PCDHA2: variants seen among roughly 807,000 people sequenced by gnomAD.
The protein encoded by PCDHA2 is protocadherin alpha-2.
Under a neutral mutation model 66.0 loss-of-function variants are expected in PCDHA2, and 58 were observed. The ratio of observed to expected loss-of-function variants is 0.88; its 90% CI spans 0.71 to 1.09. PCDHA2 has a LOEUF of 1.09. Ranked by LOEUF, PCDHA2 falls within the 50% of genes least tolerant of loss-of-function variation. PCDHA2 has a pLI of 0.00. For synonymous variants in PCDHA2, 634 were observed against 554.0 expected (o/e 1.14, Z -2.03); for missense variants, 1,267 against 1,242.3 (o/e 1.02, Z -0.30).
At chr5:140,850,495 T>A (rs2150486434) in intron 1 of PCDHA2, 3 of 1,597,906 alleles carry the variant, frequency 1.9e-6, no homozygotes, top group South Asian at 2.2e-5. Flanking sequence ...ACTGTGCTGG[T>A]GTCGCTGGTG....
chr5:140,822,242 C>G, intron 1 of PCDHA2: 1 of 1,614,156 alleles, frequency 6.2e-7, no homozygotes, highest in Non-Finnish European at 8.5e-7. Context: ...CTAGAGGGCG[C>G]GTCGGATTTG....
At chr5:140,822,120 T>G in intron 1 of PCDHA2, 1 of 1,614,188 alleles carries the variant, frequency 6.2e-7, no homozygotes, top group Non-Finnish European at 8.5e-7. Context: ...CGCTGCAGGT[T>G]TTCCATGTGG....
chr5:140,825,450 CAG>C (rs1768582322), intron 1 of PCDHA2: 1 of 145,934 alleles, frequency 6.9e-6, no homozygotes, highest in Admixed American at 6.9e-5. Flanking sequence ...TAATATATAT[CAG>C]ATATTTTGAT....
At chr5:140,938,930 A>T (rs2092272913) in intron 1 of PCDHA2, among the ~76,000 whole-genome samples, 1 of 152,066 alleles carries the variant, frequency 6.6e-6, no homozygotes, top group African/African-American at 2.4e-5. Flanking sequence ...ATTGGCTTTT[A>T]ACTTTCCATT....
chr5:140,830,668 A>C (rs1269050211), intron 1 of PCDHA2: 1 of 382,460 alleles, frequency 2.6e-6, no homozygotes, highest in Non-Finnish European at 4.3e-6. Flanking sequence ...TTTAAGTGAA[A>C]TTAGAAATCA....
intron 1 of PCDHA2, chr5:140,862,600 TTCG>T (rs1554156642): frequency 1.9e-6 from 1 of 513,664 alleles, no homozygotes; most frequent in East Asian, 5.2e-5. Context: ...GTACATGGTG[TTCG>T]TGAAAGGTAA....
At chr5:140,945,527 C>A (rs1268496424) in intron 1 of PCDHA2, among the ~76,000 whole-genome samples, 2 of 151,828 alleles carry the variant, frequency 1.3e-5, no homozygotes, top group African/African-American at 4.8e-5. Context: ...ATAAATAAAA[C>A]AAAACATACA....
intron 1 of PCDHA2, chr5:140,877,446 G>T: frequency 6.2e-7 from 1 of 1,613,856 alleles, no homozygotes; most frequent in Non-Finnish European, 8.5e-7. Flanking sequence ...GTGAGCCCGC[G>T]CTGACGTCCA....
At chr5:140,882,336 C>A (rs781805621) in intron 1 of PCDHA2, 31 of 1,614,044 alleles carry the variant, frequency 1.9e-5, no homozygotes, top group Non-Finnish European at 2.5e-5. Flanking sequence ...ATCCTCGCAG[C>A]CTGGGAGACG....
chr5:140,929,532 G>T, intron 1 of PCDHA2: 1 of 602,214 alleles, frequency 1.7e-6, no homozygotes, highest in Non-Finnish European at 2.5e-6. Flanking sequence ...TTATTTTTGA[G>T]AAACAAGGGC....
chr5:140,935,108 A>G (rs1181696268), intron 1 of PCDHA2, among the ~76,000 whole-genome samples: 3 of 152,148 alleles, frequency 2.0e-5, no homozygotes, highest in Non-Finnish European at 4.4e-5. Context: ...TTTTTCAAAG[A>G]GCTTTCACTT....
intron 1 of PCDHA2, among the ~76,000 whole-genome samples, chr5:140,898,932 A>G (rs1330684874): frequency 6.6e-6 from 1 of 151,964 alleles, no homozygotes; most frequent in Admixed American, 6.6e-5. Flanking sequence ...ATTCCTAAGT[A>G]TTTTATTCTC....
chr5:140,922,830 A>G (rs2081013341), intron 1 of PCDHA2, among the ~76,000 whole-genome samples: 1 of 152,264 alleles, frequency 6.6e-6, no homozygotes, highest in Admixed American at 6.5e-5. Context: ...TACTGCTAAT[A>G]GATGTCCTCA....
chr5:140,859,463 A>C (rs1189832254), intron 1 of PCDHA2: 1 of 215,224 alleles, frequency 4.6e-6, no homozygotes, highest in African/African-American at 2.3e-5. Context: ...ACAAAACTAC[A>C]CTATCAATTG....
chr5:140,949,656 GT>G (rs782242887), intron 1 of PCDHA2, among the ~76,000 whole-genome samples: 5 of 151,274 alleles, frequency 3.3e-5, no homozygotes, highest in Non-Finnish European at 7.4e-5. Context: ...TTTTACTTTT[GT>G]TTCTTTAAAG....
intron 1 of PCDHA2, chr5:140,856,661 C>T: frequency 6.3e-7 from 1 of 1,598,066 alleles, no homozygotes; most frequent in South Asian, 1.1e-5. Flanking sequence ...TGAAGAAAAT[C>T]CTCAGCTAAA....
chr5:140,939,175 C>A (rs2092330886), intron 1 of PCDHA2, among the ~76,000 whole-genome samples: 1 of 152,010 alleles, frequency 6.6e-6, no homozygotes, highest in African/African-American at 2.4e-5. Context: ...TGGTAATGGC[C>A]CACTCCCTGG....
intron 1 of PCDHA2, chr5:140,809,023 G>A (rs1764335154): frequency 1.2e-6 from 2 of 1,613,728 alleles, no homozygotes; most frequent in East Asian, 4.5e-5. Context: ...ACGAGCTGCA[G>A]CCGGGGACTG....
At chr5:140,946,097 C>T (rs1452170851) in intron 1 of PCDHA2, among the ~76,000 whole-genome samples, 1 of 151,826 alleles carries the variant, frequency 6.6e-6, no homozygotes, top group Admixed American at 6.6e-5. Context: ...AAGGAGTTAA[C>T]ATACCAAATA....
Sources: gnomAD v4.1 joint callset for allele counts (sites outside exome capture counted in the v4.1 genomes callset) on GRCh38, gnomAD v4.1.1 for gene constraint, MANE v1.5 for transcripts, NCBI Gene and HGNC (gene_info 2026-07-23, HGNC 2026-07-21) for gene names.